The following FOXP2 variants were observed in gnomAD, a reference collection of about 807,000 sequenced individuals.
FOXP2 encodes forkhead box P2, also known as forkhead box protein P2.
Under a neutral mutation model 115.8 loss-of-function variants are expected in FOXP2, and 12 were observed. The observed-to-expected ratio is 0.10, with a 90% CI of 0.07 to 0.17. FOXP2 has a LOEUF of 0.17. Among genes scored for constraint, FOXP2 ranks in the 10% least tolerant of loss-of-function variants. The pLI, the probability that FOXP2 is intolerant of heterozygous loss-of-function variation, is 1.00. For missense variants in FOXP2, 629 were observed against 843.5 expected, an observed-to-expected ratio of 0.75 and a Z score of 3.15; for synonymous variants, 328 against 297.7, an observed-to-expected ratio of 1.10 and a Z score of -1.05.
At chr7:114,609,987 A>G (rs986425583) in intron 3 of FOXP2, among the ~76,000 whole-genome samples, 47 of 152,232 alleles carry the variant, frequency 3.1e-4, no homozygotes, top group Non-Finnish European at 1.5e-4. Context: ...CTTGGAGACA[A>G]GGAGACAACA....
chr7:114,419,317 C>G (rs1397531046), intron 1 of FOXP2, among the ~76,000 whole-genome samples: 1 of 151,870 alleles, frequency 6.6e-6, no homozygotes, highest in Non-Finnish European at 1.5e-5. Context: ...TACTTGCAAA[C>G]AGCAAGTTTA....
chr7:114,326,150 A>G (rs568910961), intron 2 of FOXP2, among the ~76,000 whole-genome samples: 6 of 152,246 alleles, frequency 3.9e-5, no homozygotes, highest in African/African-American at 1.4e-4. Flanking sequence ...CCTGAGTAAC[A>G]GATGCTCTGT....
intron 2 of FOXP2, among the ~76,000 whole-genome samples, chr7:114,439,365 C>A (rs1794498060): frequency 6.6e-6 from 1 of 152,000 alleles, no homozygotes; most frequent in Non-Finnish European, 1.5e-5. Flanking sequence ...TGTAGAGCAG[C>A]TAAAGCTTTA....
chr7:114,430,896 C>T (rs1281791099), intron 2 of FOXP2, among the ~76,000 whole-genome samples: 1 of 151,936 alleles, frequency 6.6e-6, no homozygotes, highest in Non-Finnish European at 1.5e-5. Flanking sequence ...CTTCAATACT[C>T]ATGTAAAAGA....
At chr7:114,096,515 C>T (rs1033602201) in intron 1 of FOXP2, among the ~76,000 whole-genome samples, 20 of 152,146 alleles carry the variant, frequency 1.3e-4, no homozygotes, top group African/African-American at 4.8e-4. Flanking sequence ...ATTCTACACA[C>T]AGTAAAACGA....
intron 1 of FOXP2, among the ~76,000 whole-genome samples, chr7:114,260,090 T>G (rs1437604392): frequency 6.6e-6 from 1 of 151,904 alleles, no homozygotes; most frequent in Non-Finnish European, 1.5e-5. Flanking sequence ...CAGAGTTTCA[T>G]CATGTTGGCC....
intron 2 of FOXP2, among the ~76,000 whole-genome samples, chr7:114,313,985 C>G (rs1797212708): frequency 6.6e-6 from 1 of 151,466 alleles, no homozygotes; most frequent in South Asian, 2.1e-4. Flanking sequence ...GGATTGCAAC[C>G]AGCATATTTA....
chr7:114,676,403 T>C (rs966434426), intron 16 of FOXP2, among the ~76,000 whole-genome samples: 1 of 151,906 alleles, frequency 6.6e-6, no homozygotes, highest in Middle Eastern at 3.3e-3. Context: ...GTATATTTAA[T>C]ATGTTTCTCA....
intron 2 of FOXP2, among the ~76,000 whole-genome samples, chr7:114,297,601 G>A (rs17136912): frequency 0.067 from 10,124 of 152,204 alleles, 760 homozygotes; most frequent in African/African-American, 0.19. Flanking sequence ...AGAACAATAA[G>A]CCATCTGAAA....
At chr7:114,264,511 C>G (rs1439764780) in intron 1 of FOXP2, among the ~76,000 whole-genome samples, 4 of 152,174 alleles carry the variant, frequency 2.6e-5, no homozygotes, top group Admixed American at 1.3e-4. Flanking sequence ...CCTCATCAAG[C>G]CTTTCCTGAT....
intron 1 of FOXP2, among the ~76,000 whole-genome samples, chr7:114,197,789 A>G (rs1184633849): frequency 6.6e-6 from 1 of 152,176 alleles, no homozygotes; most frequent in Non-Finnish European, 1.5e-5. Flanking sequence ...TGTTTGGGAA[A>G]TTCAAATGTG....
chr7:114,219,556 CTTTGAGT>C (rs1242879652), intron 1 of FOXP2, among the ~76,000 whole-genome samples: 3 of 152,248 alleles, frequency 2.0e-5, no homozygotes, highest in African/African-American at 7.2e-5. Flanking sequence ...TCCATTTTTA[CTTTGAGT>C]TTTGAGTCAC....
chr7:114,184,982 C>T (rs1014870565), intron 1 of FOXP2, among the ~76,000 whole-genome samples: 3 of 152,094 alleles, frequency 2.0e-5, no homozygotes, highest in Non-Finnish European at 4.4e-5. Context: ...TCCTATGTTA[C>T]GTCATATGAT....
At chr7:114,145,165 G>C (rs556697981) in intron 1 of FOXP2, among the ~76,000 whole-genome samples, 1 of 151,928 alleles carries the variant, frequency 6.6e-6, no homozygotes, top group Non-Finnish European at 1.5e-5. Context: ...TGTACAGTAC[G>C]AATAATAATA....
rs578014583 is a variant in FOXP2, at chr7:114,572,078, A to G, written c.258+37372A>G. ...ATGAAGAAGAAATATCTAATTTCATACTTTGGTTAAAAAGACAGAAAATGT... is the reference window on the plus strand; with the variant it reads ...ATGAAGAAGAAATATCTAATTTCATGCTTTGGTTAAAAAGACAGAAAATGT... On this transcript the variant is annotated intron_variant, in intron 3 of 16. Transcript: ENST00000350908. Among the ~76,000 whole-genome samples, 5 of 151,982 alleles carry G rather than the reference A, an allele frequency of 3.3e-5. No homozygotes were observed. The East Asian group carries it at 9.6e-4, about 29-fold the overall frequency.
chr7:114,314,265 T>C (rs1056557518), intron 2 of FOXP2, among the ~76,000 whole-genome samples: 7 of 147,032 alleles, frequency 4.8e-5, no homozygotes, highest in Non-Finnish European at 8.9e-5. Flanking sequence ...TTATGTTTTA[T>C]ATATAATATA....
intron 3 of FOXP2, among the ~76,000 whole-genome samples, chr7:114,569,228 C>T (rs927440142): frequency 3.3e-5 from 5 of 151,826 alleles, no homozygotes; most frequent in East Asian, 1.9e-4. Context: ...TTGATTTTAA[C>T]GAAAGTTACA....
At chr7:114,674,241 A>T (rs574246292) in intron 16 of FOXP2, among the ~76,000 whole-genome samples, 43 of 152,332 alleles carry the variant, frequency 2.8e-4, no homozygotes, top group African/African-American at 1.0e-3. Context: ...GAAAATTAAA[A>T]TTTATTTTGA....
intron 1 of FOXP2, among the ~76,000 whole-genome samples, chr7:114,276,268 C>T (rs1224023422): frequency 6.6e-6 from 1 of 152,064 alleles, no homozygotes; most frequent in Non-Finnish European, 1.5e-5. Flanking sequence ...AGGGATTCTA[C>T]TGCCTCAGCC....
Sources: gnomAD v4.1 joint callset for allele counts (sites outside exome capture counted in the v4.1 genomes callset) on GRCh38, gnomAD v4.1.1 for gene constraint, MANE v1.5 for transcripts, NCBI Gene and HGNC (gene_info 2026-07-23, HGNC 2026-07-21) for gene names.